The following NDST3 variants were observed in gnomAD, a reference collection of about 807,000 sequenced individuals.
NDST3 encodes the protein N-deacetylase and N-sulfotransferase 3.
A neutral mutation model predicts 96.1 loss-of-function variants in NDST3; 58 were observed. The observed-to-expected ratio is 0.60, with a 90% CI of 0.49 to 0.75. The LOEUF is 0.75. Among genes scored for constraint, NDST3 ranks in the 30% least tolerant of loss-of-function variants. The pLI, the probability that NDST3 is intolerant of heterozygous loss-of-function variation, is 0.00. For missense variants in NDST3, 788 were observed against 1,034.2 expected (o/e 0.76, Z 3.27); for synonymous variants, 333 against 359.7 (o/e 0.93, Z 0.84).
chr4:118,162,004 A>T (rs1290847982), intron 6 of NDST3, among the ~76,000 whole-genome samples: 1 of 152,132 alleles, frequency 6.6e-6, no homozygotes, highest in African/African-American at 2.4e-5. Context: ...GTTCCTATTC[A>T]GCCATCTTGG....
At chr4:118,149,070 T>A (rs571518294) in intron 6 of NDST3, among the ~76,000 whole-genome samples, 2 of 152,122 alleles carry the variant, frequency 1.3e-5, no homozygotes, top group Non-Finnish European at 2.9e-5. Context: ...GTTGTAGATA[T>A]GCAGCATTAT....
chr4:118,109,338 T>G (rs1730455522), intron 3 of NDST3, among the ~76,000 whole-genome samples: 1 of 152,152 alleles, frequency 6.6e-6, no homozygotes, highest in Non-Finnish European at 1.5e-5. Flanking sequence ...GGAAGAGACA[T>G]CACAGCAAAA....
chr4:118,103,669 A>C (rs1729942642), intron 2 of NDST3, among the ~76,000 whole-genome samples: 1 of 152,092 alleles, frequency 6.6e-6, no homozygotes, highest in South Asian at 2.1e-4. Context: ...CCACCTTGTA[A>C]GGACCTAACC....
intron 4 of NDST3, among the ~76,000 whole-genome samples, chr4:118,122,695 G>C (rs1029304558): frequency 1.8e-4 from 27 of 152,214 alleles, no homozygotes; most frequent in African/African-American, 6.3e-4. Context: ...TGTTTCCGCT[G>C]CATGAAACAG....
intron 11 of NDST3, among the ~76,000 whole-genome samples, chr4:118,240,973 G>A (rs1740972174): frequency 1.3e-5 from 2 of 152,162 alleles, no homozygotes; most frequent in Non-Finnish European, 2.9e-5. Context: ...TGAGAATAAA[G>A]TTTGAAAGAG....
chr4:118,231,848 C>A (rs1293511672), intron 8 of NDST3, among the ~76,000 whole-genome samples: 1 of 152,188 alleles, frequency 6.6e-6, no homozygotes, highest in African/African-American at 2.4e-5. Context: ...TTGTACCAAT[C>A]TGACTAAGCT....
intron 2 of NDST3, among the ~76,000 whole-genome samples, chr4:118,099,260 T>C (rs1729583849): frequency 6.6e-6 from 1 of 152,032 alleles, no homozygotes; most frequent in Non-Finnish European, 1.5e-5. Context: ...TGTTCTGCCA[T>C]GGTCATGTAT....
At chr4:118,098,490 A>C (rs1729521044) in intron 2 of NDST3, among the ~76,000 whole-genome samples, 1 of 152,010 alleles carries the variant, frequency 6.6e-6, no homozygotes, top group African/African-American at 2.4e-5. Flanking sequence ...CACTTACTTA[A>C]TAGTTTTCTC....
chr4:118,068,981 T>C (rs1032309097), intron 2 of NDST3, among the ~76,000 whole-genome samples: 3 of 152,078 alleles, frequency 2.0e-5, no homozygotes, highest in African/African-American at 7.2e-5. Context: ...TGGAGATCAA[T>C]ATAGTGCATT....
At chr4:118,253,849 T>C (rs1490924042) in intron 13 of NDST3, among the ~76,000 whole-genome samples, 1 of 152,214 alleles carries the variant, frequency 6.6e-6, no homozygotes, top group African/African-American at 2.4e-5. Context: ...TAATATCTTA[T>C]TCCAAAAAGA....
chr4:118,163,447 T>C (rs1735332042), intron 6 of NDST3, among the ~76,000 whole-genome samples: 1 of 152,062 alleles, frequency 6.6e-6, no homozygotes, highest in African/African-American at 2.4e-5. Context: ...TCATGTCCTT[T>C]GTAGGGACAT....
intron 6 of NDST3, among the ~76,000 whole-genome samples, chr4:118,201,755 A>G (rs1029312464): frequency 6.6e-6 from 1 of 151,912 alleles, no homozygotes; most frequent in Non-Finnish European, 1.5e-5. Flanking sequence ...CTTTGTTCAT[A>G]GTTTCTTTTG....
chr4:118,068,234 C>T (rs1449667202), intron 2 of NDST3, among the ~76,000 whole-genome samples: 8 of 148,222 alleles, frequency 5.4e-5, no homozygotes, highest in South Asian at 2.1e-4. Context: ...CTTGAACTCC[C>T]GGGCTCAAGC....
At chr4:118,199,892 T>G (rs1314958152) in intron 6 of NDST3, among the ~76,000 whole-genome samples, 2 of 152,090 alleles carry the variant, frequency 1.3e-5, no homozygotes, top group Admixed American at 1.3e-4. Context: ...TTCCTTTACT[T>G]TGTCCCAGTC....
intron 1 of NDST3, among the ~76,000 whole-genome samples, chr4:118,044,851 C>T (rs1724666948): frequency 6.6e-6 from 1 of 152,132 alleles, no homozygotes; most frequent in Admixed American, 6.5e-5. Context: ...GCCAAACTTG[C>T]TTTTATGACA....
At chr4:118,060,244 T>C (rs1043679301) in intron 2 of NDST3, among the ~76,000 whole-genome samples, 2 of 152,162 alleles carry the variant, frequency 1.3e-5, no homozygotes, top group African/African-American at 4.8e-5. Context: ...CCTTCTATAT[T>C]TTGAAGCTAT....
chr4:118,114,874 C>A lies in NDST3; in HGVS notation c.1138C>A (p.His380Asn), dbSNP rs1456980101. Residue 380 changes from histidine (H) to asparagine (N), a missense_variant, in exon 4 of 14, where the codon CAC (histidine) becomes AAC (asparagine). Around this residue, in one of 3 missense-constraint regions of NDST3, gnomAD observed 490 missense variants for 708.8 expected, o/e 0.69. Coordinates refer to ENST00000296499, the MANE Select transcript of NDST3 (RefSeq NM_004784.3). Reference sequence around the variant, plus strand: ...TGTGGATGAGTTCTGGTGGTTTCCTCACATGTGGAGCCATATGCAGCCCCA... The same window carrying A: ...TGTGGATGAGTTCTGGTGGTTTCCTAACATGTGGAGCCATATGCAGCCCCA... ...GSVDEFWWFP[H>N]MWSHMQPHLF... The A allele has an allele frequency of 6.2e-7, 1 of 1,613,952 alleles. No individual in the cohort carries two copies. Among genetic ancestry groups the A allele is most frequent in the Non-Finnish European group, 8.5e-7 (1 of 1,179,988 alleles).
intron 8 of NDST3, among the ~76,000 whole-genome samples, chr4:118,230,985 C>T (rs1006659404): frequency 1.3e-5 from 2 of 151,872 alleles, no homozygotes; most frequent in African/African-American, 4.8e-5. Context: ...TTAAATATTG[C>T]CATATTTGTA....
At chr4:118,073,910 T>A (rs192293237) in intron 2 of NDST3, among the ~76,000 whole-genome samples, 2 of 152,306 alleles carry the variant, frequency 1.3e-5, no homozygotes, top group East Asian at 3.9e-4. Flanking sequence ...ATGTGAGCAT[T>A]TAGTGCTAAA....
Sources: allele counts gnomAD v4.1 joint callset (sites outside exome capture counted in the v4.1 genomes callset), GRCh38; gene constraint gnomAD v4.1.1; regional missense constraint gnomAD v4.1.1; transcripts MANE v1.5; gene names NCBI Gene and HGNC (gene_info 2026-07-23, HGNC 2026-07-21).